ARHGEF10L: variants seen among roughly 807,000 people sequenced by gnomAD.
The protein encoded by ARHGEF10L is rho guanine nucleotide exchange factor 10-like protein.
Under a neutral mutation model 141.2 loss-of-function variants are expected in ARHGEF10L, and 69 were observed. The observed-to-expected ratio is 0.49, with a 90% CI of 0.40 to 0.60. The LOEUF is 0.60. Among genes scored for constraint, ARHGEF10L ranks in the 20% least tolerant of loss-of-function variants. The probability of loss-of-function intolerance (pLI) is 0.00; values close to 1 mark genes in which losing one functional copy is unlikely to be tolerated. For missense variants in ARHGEF10L, 1,482 were observed against 1,734.3 expected, an observed-to-expected ratio of 0.85 and a Z score of 2.58; for synonymous variants, 711 against 718.5, an observed-to-expected ratio of 0.99 and a Z score of 0.17.
chr1:17,554,248 C>G (rs1162931500), intron 1 of ARHGEF10L, among the ~76,000 whole-genome samples: 1 of 151,978 alleles, frequency 6.6e-6, no homozygotes, highest in Non-Finnish European at 1.5e-5. Flanking sequence ...AGGGGCTGGG[C>G]AGGGAGGAAC....
rs200851906 is a variant in ARHGEF10L at position 17,648,515 on chromosome 1, C to T, written c.2273-39C>T. The T allele has an allele frequency of 1.7e-4, 275 of 1,609,262 alleles. 2 individuals are homozygous for T. Among genetic ancestry groups the T allele is most frequent in the South Asian group, 4.4e-5 (4 of 90,694 alleles). The stretch of plus-strand genomic sequence containing the variant: ...CCTCATGGCCCAGTTGGTCCTTGGA[C>T]TCTGACCAGCTCTACCCACCTCCTT... On this transcript the variant is annotated intron_variant, in intron 21 of 28. Transcript: ENST00000361221.
intron 26 of ARHGEF10L, among the ~76,000 whole-genome samples, chr1:17,671,310 AAGT>A (rs1343570223): frequency 1.3e-5 from 2 of 151,852 alleles, no homozygotes; most frequent in Non-Finnish European, 2.9e-5. Flanking sequence ...GCCTTCAAGG[AAGT>A]AGGGCAGGGA....
chr1:17,516,072 A>G, the ARHGEF10L span, among the ~76,000 whole-genome samples: 2 of 152,230 alleles, frequency 1.3e-5, no homozygotes, highest in Non-Finnish European at 2.9e-5. Context: ...CTCAGTGACT[A>G]AGTGACTGTA....
the ARHGEF10L span, among the ~76,000 whole-genome samples, chr1:17,518,879 C>T: frequency 6.6e-6 from 1 of 150,622 alleles, no homozygotes; most frequent in Non-Finnish European, 1.5e-5. Flanking sequence ...TGCCCTTAAG[C>T]AGCATCAGTG....
the ARHGEF10L span, among the ~76,000 whole-genome samples, chr1:17,522,263 T>C: frequency 8.5e-5 from 13 of 152,260 alleles, no homozygotes; most frequent in African/African-American, 3.1e-4. Flanking sequence ...TTAGGGGAGC[T>C]TGGTGGTTAA....
chr1:17,660,662 G>C (rs1294082756), intron 25 of ARHGEF10L, among the ~76,000 whole-genome samples: 1 of 152,246 alleles, frequency 6.6e-6, no homozygotes, highest in African/African-American at 2.4e-5. Context: ...CTCCACTGCT[G>C]GCTGGGGGAG....
At chr1:17,547,631 G>A (rs925080077) in intron 1 of ARHGEF10L, among the ~76,000 whole-genome samples, 1 of 152,120 alleles carries the variant, frequency 6.6e-6, no homozygotes, top group African/African-American at 2.4e-5. Flanking sequence ...GAAAATAACA[G>A]TCTCCCGAAA....
Position 17,656,579 on chromosome 1 carries a change from A to C in ARHGEF10L, c.2731A>C (p.Thr911Pro). The change falls in exon 25 of 29, where the codon ACT becomes CCT. Residue 911 changes from threonine (T) to proline (P), a missense_variant. Transcript: ENST00000361221. This position sits in a 1 kb window ranked among gnomAD's most constrained non-coding sequence, Gnocchi z 4.9. Reference protein sequence around the residue: ...GSILLYSSVDTGTQCLVSCRS... With the variant: ...GSILLYSSVDPGTQCLVSCRS... The stretch of plus-strand genomic sequence containing the variant: ...CATCCTCCTCTACAGCAGTGTGGAC[A>C]CTGGCACCCAGTGCCTGGTGAGCTG... The C allele has an allele frequency of 1.2e-6, 2 of 1,613,242 alleles. No individual in the cohort carries two copies. Among genetic ancestry groups the C allele is most frequent in the Non-Finnish European group, 1.7e-6 (2 of 1,179,848 alleles).
chr1:17,693,285 G>A (rs2065237559), intron 27 of ARHGEF10L, among the ~76,000 whole-genome samples: 1 of 152,204 alleles, frequency 6.6e-6, no homozygotes, highest in African/African-American at 2.4e-5. Flanking sequence ...AAGTTCTAGA[G>A]TGTCTGCTCC....
At chr1:17,648,721 G>C (rs1431783278) in intron 22 of ARHGEF10L, 46 bp downstream of exon 22, 2 of 1,595,854 alleles carry the variant, frequency 1.3e-6, no homozygotes, top group Non-Finnish European at 1.7e-6. Context: ...GGTGGCTGCG[G>C]CTCCCCCTCG....
At chr1:17,678,953 T>C (rs1340010660) in intron 26 of ARHGEF10L, among the ~76,000 whole-genome samples, 1 of 152,190 alleles carries the variant, frequency 6.6e-6, no homozygotes. Flanking sequence ...CTAGTAAAAA[T>C]AGTTAACGAT....
chr1:17,572,845 G>A (rs543018933), intron 1 of ARHGEF10L, among the ~76,000 whole-genome samples: 10 of 152,240 alleles, frequency 6.6e-5, no homozygotes, highest in Non-Finnish European at 1.0e-4. Context: ...GGTGAGGAGG[G>A]TGAACTGGGG....
intron 2 of ARHGEF10L, among the ~76,000 whole-genome samples, chr1:17,584,341 A>T (rs984073470): frequency 3.9e-5 from 6 of 152,168 alleles, no homozygotes; most frequent in African/African-American, 1.4e-4. Flanking sequence ...CACAGCACCC[A>T]GCCTATGTTT....
intron 2 of ARHGEF10L, among the ~76,000 whole-genome samples, chr1:17,582,922 T>C (rs2078702637): frequency 6.6e-6 from 1 of 152,050 alleles, no homozygotes; most frequent in African/African-American, 2.4e-5. Flanking sequence ...AAGCTATTTG[T>C]ACTCTTAAAG....
chr1:17,681,285 C>T (rs879897351), intron 26 of ARHGEF10L, among the ~76,000 whole-genome samples: 23 of 152,292 alleles, frequency 1.5e-4, no homozygotes, highest in Admixed American at 9.8e-4. Context: ...GTCTCTTCAA[C>T]GTAACTGCAT....
At chr1:17,646,779 A>G (rs893658335) in intron 21 of ARHGEF10L, among the ~76,000 whole-genome samples, 2 of 151,944 alleles carry the variant, frequency 1.3e-5, no homozygotes, top group African/African-American at 4.8e-5. Flanking sequence ...CGTTCCGGAC[A>G]GCGGGAACCT....
At chr1:17,569,724 G>A (rs1366776818) in intron 1 of ARHGEF10L, among the ~76,000 whole-genome samples, 1 of 152,176 alleles carries the variant, frequency 6.6e-6, no homozygotes, top group African/African-American at 2.4e-5. Context: ...TAGACGCCAG[G>A]GTCTCACACC....
intron 1 of ARHGEF10L, among the ~76,000 whole-genome samples, chr1:17,560,091 C>T (rs2077487306): frequency 6.6e-6 from 1 of 152,150 alleles, no homozygotes; most frequent in African/African-American, 2.4e-5. Context: ...GTGTCCCCCT[C>T]TTCCCCCAGC....
intron 4 of ARHGEF10L, among the ~76,000 whole-genome samples, chr1:17,589,702 A>G (rs1016778694): frequency 2.0e-5 from 3 of 152,206 alleles, no homozygotes; most frequent in African/African-American, 7.2e-5. Context: ...GAAATGAATC[A>G]GCAGCCATTC....
Sources: gnomAD v4.1 joint callset for allele counts (sites outside exome capture counted in the v4.1 genomes callset) on GRCh38, gnomAD v4.1.1 for gene constraint, Gnocchi (gnomAD v3.1) non-coding constraint, MANE v1.5 for transcripts, NCBI Gene and HGNC (gene_info 2026-07-23, HGNC 2026-07-21) for gene names.